KSR2: variants seen among roughly 807,000 people sequenced by gnomAD.
KSR2 encodes kinase suppressor of ras 2.
Under a neutral mutation model 107.8 loss-of-function variants are expected in KSR2, and 25 were observed. That is an observed-to-expected ratio of 0.23 (90% CI 0.17 to 0.32). KSR2 has a LOEUF of 0.32. Among genes scored for constraint, KSR2 ranks in the 10% least tolerant of loss-of-function variants. The pLI, the probability that KSR2 is intolerant of heterozygous loss-of-function variation, is 1.00. For synonymous variants in KSR2, 480 were observed against 507.0 expected, an observed-to-expected ratio of 0.95 and a Z score of 0.71; for missense variants, 887 against 1,268.9, an observed-to-expected ratio of 0.70 and a Z score of 4.57.
chr12:117,483,615 T>C (rs1433694398), intron 16 of KSR2, among the ~76,000 whole-genome samples: 1 of 152,114 alleles, frequency 6.6e-6, no homozygotes, highest in Non-Finnish European at 1.5e-5. Context: ...GGGTAGACTT[T>C]CTGAATTATG....
intron 4 of KSR2, among the ~76,000 whole-genome samples, chr12:117,753,943 A>G (rs1679591579): frequency 7.2e-6 from 1 of 139,792 alleles, no homozygotes; most frequent in Non-Finnish European, 1.5e-5. Context: ...GGGAAAGTAT[A>G]GAGCGTGTGT....
At chr12:117,542,594 A>G (rs1031861954) in intron 9 of KSR2, among the ~76,000 whole-genome samples, 1 of 152,052 alleles carries the variant, frequency 6.6e-6, no homozygotes, top group Non-Finnish European at 1.5e-5. Flanking sequence ...TCCTCCCCCC[A>G]TATTTAACCC....
At chr12:117,932,981 C>G (rs910594169) in intron 1 of KSR2, among the ~76,000 whole-genome samples, 1 of 152,118 alleles carries the variant, frequency 6.6e-6, no homozygotes, top group African/African-American at 2.4e-5. Flanking sequence ...CCATCGCACT[C>G]CAGCCTGGAT....
intron 4 of KSR2, 45 bp from the exon 5 acceptor site, chr12:117,667,703 G>C (rs768238730): frequency 6.8e-7 from 1 of 1,473,806 alleles, no homozygotes; most frequent in Admixed American, 2.4e-5. Context: ...ATATCCATAG[G>C]TGCACAAAGT....
At chr12:117,679,372 A>C (rs186018498) in intron 4 of KSR2, among the ~76,000 whole-genome samples, 10 of 152,318 alleles carry the variant, frequency 6.6e-5, no homozygotes, top group African/African-American at 2.2e-4. Context: ...GGGAAATTGA[A>C]GTTCAGAGAG....
chr12:117,914,648 C>G, intron 1 of KSR2, among the ~76,000 whole-genome samples: 1 of 152,162 alleles, frequency 6.6e-6, no homozygotes, highest in East Asian at 1.9e-4. Flanking sequence ...CATCCTCCCA[C>G]CTCAGCCTTC....
chr12:117,620,551 T>C (rs550920537), intron 5 of KSR2, among the ~76,000 whole-genome samples: 1 of 152,204 alleles, frequency 6.6e-6, no homozygotes, highest in South Asian at 2.1e-4. Context: ...GCAGCACAAA[T>C]AGTTTGTGAG....
At chr12:117,584,940 G>C (rs1162282819) in intron 5 of KSR2, among the ~76,000 whole-genome samples, 1 of 152,174 alleles carries the variant, frequency 6.6e-6, no homozygotes, top group Non-Finnish European at 1.5e-5. Flanking sequence ...CTCTGCAATT[G>C]TTTGAAAGTC....
chr12:117,508,639 T>C (rs1873845619), intron 14 of KSR2, among the ~76,000 whole-genome samples: 1 of 150,460 alleles, frequency 6.6e-6, no homozygotes, highest in Non-Finnish European at 1.5e-5. Context: ...GGTGGGAAGA[T>C]GGATGGGTGG....
At chr12:117,704,858 C>CAAA (rs35848973) in intron 4 of KSR2, among the ~76,000 whole-genome samples, 1 of 129,772 alleles carries the variant, frequency 7.7e-6, no homozygotes, top group Non-Finnish European at 1.7e-5. Flanking sequence ...GACTTCATCT[C>CAAA]AAAAAAAAAA....
chr12:117,870,268 G>A (rs905973449), intron 1 of KSR2, among the ~76,000 whole-genome samples: 19 of 152,198 alleles, frequency 1.2e-4, no homozygotes, highest in African/African-American at 4.3e-4. Flanking sequence ...TAAAACAGGT[G>A]TATTCCACCT....
intron 4 of KSR2, among the ~76,000 whole-genome samples, chr12:117,749,017 A>G (rs1170904704): frequency 6.6e-6 from 1 of 151,174 alleles, no homozygotes; most frequent in Admixed American, 6.6e-5. Context: ...ATATTTATGC[A>G]CTAGCTCTTG....
intron 4 of KSR2, among the ~76,000 whole-genome samples, chr12:117,749,731 T>C (rs755310001): frequency 1.3e-5 from 2 of 152,188 alleles, no homozygotes; most frequent in Non-Finnish European, 2.9e-5. Flanking sequence ...CCATTTGATA[T>C]TTAGAAAGCT....
At chr12:117,629,287 A>G (rs1389265093) in intron 5 of KSR2, among the ~76,000 whole-genome samples, 1 of 152,196 alleles carries the variant, frequency 6.6e-6, no homozygotes, top group Non-Finnish European at 1.5e-5. Flanking sequence ...TGCGTCGATC[A>G]TGCTGGGAGC....
chr12:117,479,785 T>C (rs1185355540), intron 16 of KSR2, among the ~76,000 whole-genome samples: 1 of 152,134 alleles, frequency 6.6e-6, no homozygotes, highest in Non-Finnish European at 1.5e-5. Flanking sequence ...AACACTTGAG[T>C]CAGCAGAGTT....
chr12:117,734,207 T>C (rs616448), intron 4 of KSR2, among the ~76,000 whole-genome samples: 122,764 of 150,622 alleles, frequency 0.82, 50,209 homozygotes, highest in Middle Eastern at 0.91. Context: ...CTTGAACCTG[T>C]GAGGTGGAGG....
At chr12:117,706,334 C>A (rs971304638) in intron 4 of KSR2, among the ~76,000 whole-genome samples, 4 of 152,098 alleles carry the variant, frequency 2.6e-5, no homozygotes, top group African/African-American at 9.7e-5. Flanking sequence ...TGGAATGCAT[C>A]CCCTCTTTAT....
intron 9 of KSR2, among the ~76,000 whole-genome samples, chr12:117,553,742 C>A (rs708857): frequency 2.0e-5 from 3 of 151,574 alleles, no homozygotes; most frequent in African/African-American, 7.3e-5. Context: ...CCTTTTTTTG[C>A]GGTAATGAGT....
chr12:117,610,863 GA>G (rs1465796834), intron 5 of KSR2, among the ~76,000 whole-genome samples: 4 of 151,928 alleles, frequency 2.6e-5, no homozygotes, highest in Admixed American at 2.6e-4. Context: ...GATAGATAAA[GA>G]GAGAGAAAAA....
Sources: gnomAD v4.1 joint callset for allele counts (sites outside exome capture counted in the v4.1 genomes callset) on GRCh38, gnomAD v4.1.1 for gene constraint, MANE v1.5 for transcripts, NCBI Gene and HGNC (gene_info 2026-07-23, HGNC 2026-07-21) for gene names.